PAK5: variants seen among roughly 807,000 people sequenced by gnomAD.
PAK5 encodes p21 (RAC1) activated kinase 5.
In PAK5, 16 loss-of-function variants were observed where a neutral mutation model predicts 65.9. That is an observed-to-expected ratio of 0.24 (90% confidence interval 0.16 to 0.37). The LOEUF (loss-of-function observed/expected upper bound fraction) is 0.37. PAK5 is among the 10% of genes least tolerant of loss of function. The pLI, the probability that PAK5 is intolerant of heterozygous loss-of-function variation, is 1.00. For missense variants in PAK5, 785 were observed against 903.9 expected, an observed-to-expected ratio of 0.87 and a Z score of 1.69; for synonymous variants, 371 against 354.9, an observed-to-expected ratio of 1.05 and a Z score of -0.51.
intron 2 of PAK5, among the ~76,000 whole-genome samples, chr20:9,664,890 G>A (rs1402325455): frequency 1.3e-5 from 2 of 151,980 alleles, no homozygotes; most frequent in Non-Finnish European, 2.9e-5. Flanking sequence ...CTCAAAAAAT[G>A]GGTATGGCAG....
At chr20:9,616,239 A>T (rs548325122) in intron 3 of PAK5, among the ~76,000 whole-genome samples, 33 of 152,354 alleles carry the variant, frequency 2.2e-4, no homozygotes, top group African/African-American at 7.0e-4. Context: ...CAAATACAGT[A>T]CACATGTTAG....
Position 9,730,134 on chromosome 20 carries a change from T to C in PAK5, c.-161-18699A>G, listed in dbSNP as rs2048321248. Among the ~76,000 whole-genome samples the C allele has an allele frequency of 2.0e-5, 3 of 151,934 alleles. No homozygotes were observed. The South Asian group carries it at 6.2e-4, about 31-fold the overall frequency. ...AAAAATAGACATGTAAAATAATTAG[T>C]TATTTATATGATAGCAGATTTTAAA... On this transcript the variant is annotated intron_variant, in intron 1 of 9. Transcript: ENST00000353224.
intron 7 of PAK5, among the ~76,000 whole-genome samples, chr20:9,554,694 A>G (rs915575667): frequency 3.3e-5 from 5 of 152,230 alleles, no homozygotes; most frequent in Admixed American, 6.5e-5. Flanking sequence ...TTCTTGGAGT[A>G]GCCACACTCC....
At chr20:9,562,333 A>G (rs543824585) in intron 6 of PAK5, among the ~76,000 whole-genome samples, 2 of 152,348 alleles carry the variant, frequency 1.3e-5, no homozygotes, top group East Asian at 1.9e-4. Context: ...AAGGTGCTCA[A>G]TAAATACTTA....
intron 2 of PAK5, among the ~76,000 whole-genome samples, chr20:9,668,863 A>G (rs1043152763): frequency 1.3e-4 from 20 of 152,342 alleles, no homozygotes; most frequent in African/African-American, 4.8e-4. Flanking sequence ...ATCCACATCT[A>G]TACTGGGCAT....
intron 3 of PAK5, among the ~76,000 whole-genome samples, chr20:9,642,255 C>T (rs1015674328): frequency 1.3e-5 from 2 of 152,186 alleles, no homozygotes; most frequent in Admixed American, 6.5e-5. Flanking sequence ...TGGTTGAACT[C>T]GTTTACAGTC....
intron 1 of PAK5, among the ~76,000 whole-genome samples, chr20:9,738,142 A>C (rs1487650146): frequency 6.6e-6 from 1 of 152,134 alleles, no homozygotes; most frequent in Non-Finnish European, 1.5e-5. Context: ...ACTCGGTCTC[A>C]AAAACAAAAA....
intron 1 of PAK5, among the ~76,000 whole-genome samples, chr20:9,795,552 A>G (rs1384028610): frequency 6.6e-6 from 1 of 152,132 alleles, no homozygotes; most frequent in African/African-American, 2.4e-5. Context: ...GGATCTCACT[A>G]TATGTGCAGC....
intron 1 of PAK5, among the ~76,000 whole-genome samples, chr20:9,766,532 T>C (rs1555924233): frequency 0.29 from 21,578 of 73,628 alleles, 7,263 homozygotes; most frequent in East Asian, 0.63. Flanking sequence ...AATATATATA[T>C]ATATATATAT....
chr20:9,799,073 T>TA (rs2049137841), intron 1 of PAK5, among the ~76,000 whole-genome samples: 1 of 152,258 alleles, frequency 6.6e-6, no homozygotes, highest in Admixed American at 6.5e-5. Flanking sequence ...ATCCATGGAA[T>TA]AAAAACTAGA....
At chr20:9,627,890 G>A (rs1336618731) in intron 3 of PAK5, among the ~76,000 whole-genome samples, 3 of 152,190 alleles carry the variant, frequency 2.0e-5, no homozygotes, top group Non-Finnish European at 4.4e-5. Context: ...GCCTCCCAAA[G>A]TGCTGGGATT....
At chr20:9,618,611 C>T (rs907809801) in intron 3 of PAK5, among the ~76,000 whole-genome samples, 7 of 150,758 alleles carry the variant, frequency 4.6e-5, no homozygotes, top group African/African-American at 1.7e-4. Context: ...GATGGGGTTT[C>T]ACCATGTTGT....
intron 1 of PAK5, among the ~76,000 whole-genome samples, chr20:9,794,789 C>T (rs2049087640): frequency 6.6e-6 from 1 of 152,036 alleles, no homozygotes; most frequent in Admixed American, 6.6e-5. Context: ...GGCAACAGTT[C>T]TCAAATCTGA....
chr20:9,698,634 T>C (rs1220898615), intron 2 of PAK5, among the ~76,000 whole-genome samples: 5 of 152,196 alleles, frequency 3.3e-5, no homozygotes, highest in African/African-American at 1.2e-4. Flanking sequence ...TGCCTTTGGC[T>C]TTGTTTCATA....
At chr20:9,722,657 T>A (rs2048230925) in intron 1 of PAK5, among the ~76,000 whole-genome samples, 1 of 151,992 alleles carries the variant, frequency 6.6e-6, no homozygotes, top group Non-Finnish European at 1.5e-5. Flanking sequence ...GCAAGGTAAG[T>A]AGCCAGTGAC....
intron 2 of PAK5, among the ~76,000 whole-genome samples, chr20:9,694,320 TTG>T (rs35457999): frequency 0.64 from 95,539 of 148,678 alleles, 32,838 homozygotes; most frequent in South Asian, 0.77. Context: ...GTGTGTGTGT[TTG>T]TGTGTGTGTG....
intron 4 of PAK5, among the ~76,000 whole-genome samples, chr20:9,575,952 G>C (rs185365637): frequency 6.6e-6 from 1 of 152,176 alleles, no homozygotes; most frequent in East Asian, 1.9e-4. Flanking sequence ...CTCAACTGTA[G>C]AGCAGAGGTG....
At chr20:9,767,191 C>A (rs1006618345) in intron 1 of PAK5, among the ~76,000 whole-genome samples, 1 of 152,090 alleles carries the variant, frequency 6.6e-6, no homozygotes, top group African/African-American at 2.4e-5. Flanking sequence ...CAAAATTACT[C>A]ATTTTGATTT....
chr20:9,760,207 G>A (rs2048682696), intron 1 of PAK5, among the ~76,000 whole-genome samples: 1 of 152,118 alleles, frequency 6.6e-6, no homozygotes, highest in Admixed American at 6.6e-5. Context: ...TCAAAAATTA[G>A]AGCCAAAAAC....
Sources: gnomAD v4.1 joint callset for allele counts (sites outside exome capture counted in the v4.1 genomes callset) on GRCh38, gnomAD v4.1.1 for gene constraint, MANE v1.5 for transcripts, NCBI Gene and HGNC (gene_info 2026-07-23, HGNC 2026-07-21) for gene names.